Variants in KLHL8 observed in about 807,000 individuals in gnomAD.
KLHL8 encodes the protein kelch-like protein 8.
In KLHL8, 38 loss-of-function variants were observed where a neutral mutation model predicts 63.5. The ratio of observed to expected loss-of-function variants is 0.60; its 90% CI spans 0.46 to 0.78. KLHL8 has a LOEUF of 0.78. Among genes scored for constraint, KLHL8 ranks in the 30% least tolerant of loss-of-function variants. The pLI is 0.00. For synonymous variants in KLHL8, 224 were observed against 254.3 expected (o/e 0.88, Z 1.13); for missense variants, 566 against 752.4 (o/e 0.75, Z 2.90).
At chr4:87,177,139 T>C (rs764361855) in intron 5 of KLHL8, among the ~76,000 whole-genome samples, 8 of 152,200 alleles carry the variant, frequency 5.3e-5, no homozygotes, top group Non-Finnish European at 1.0e-4. Context: ...TTTTTATTAC[T>C]TGGTAGATGA....
At chr4:87,219,684 C>G (rs1220651181) in intron 1 of KLHL8, 1 of 152,308 alleles carries the variant, frequency 6.6e-6, no homozygotes, top group African/African-American at 2.4e-5. Flanking sequence ...GCCAACTGAA[C>G]CCAGCACGGA....
chr4:87,190,293 G>C (rs757189829), intron 2 of KLHL8, among the ~76,000 whole-genome samples: 9 of 151,950 alleles, frequency 5.9e-5, no homozygotes, highest in Admixed American at 1.3e-4. Flanking sequence ...TACTATTATA[G>C]TGGATATACA....
upstream of KLHL8, chr4:87,221,392 T>TAAAAAAAAAAAAAAAA: frequency 1.1e-5 from 1 of 87,060 alleles, no homozygotes; most frequent in Non-Finnish European, 2.1e-5. Context: ...AGACTCCGTC[T>TAAAAAAAAAAAAAAAA]AAAAAAAAAA....
At chr4:87,176,609 A>G (rs895335495) in intron 6 of KLHL8, 148 bp downstream of exon 6, 12 of 567,512 alleles carry the variant, frequency 2.1e-5, no homozygotes, top group Non-Finnish European at 2.7e-5. Flanking sequence ...GGTGTTAACA[A>G]AGTATCACTT....
chr4:87,208,900 T>C (rs921217431), intron 1 of KLHL8, among the ~76,000 whole-genome samples: 3 of 152,196 alleles, frequency 2.0e-5, no homozygotes, highest in African/African-American at 7.2e-5. Flanking sequence ...TTTATAAAAT[T>C]ATTTTTACAT....
At chr4:87,204,878 T>C (rs913499584) in intron 1 of KLHL8, among the ~76,000 whole-genome samples, 2 of 152,262 alleles carry the variant, frequency 1.3e-5, no homozygotes, top group Non-Finnish European at 2.9e-5. Flanking sequence ...CTATTTTGCA[T>C]CTTTTTTAAG....
intron 4 of KLHL8, among the ~76,000 whole-genome samples, chr4:87,179,744 T>A (rs901081995): frequency 6.6e-6 from 1 of 151,992 alleles, no homozygotes; most frequent in Non-Finnish European, 1.5e-5. Context: ...ACCACTGCAC[T>A]CCAGCCTGAG....
chr4:87,197,044 T>C (rs1008870755), intron 1 of KLHL8, among the ~76,000 whole-genome samples: 4 of 152,258 alleles, frequency 2.6e-5, no homozygotes, highest in African/African-American at 7.2e-5. Flanking sequence ...GTTAATCTCA[T>C]CATTTCCAGC....
chr4:87,238,042 TC>T (rs1238273127), intron 1 of KLHL8, among the ~76,000 whole-genome samples: 2 of 152,108 alleles, frequency 1.3e-5, no homozygotes. Context: ...TTCAAGCAAT[TC>T]TTTTGCCTCA....
Position 87,163,938 on chromosome 4 carries a change from C to A in KLHL8, c.1679G>T (p.Gly560Val), listed in dbSNP as rs767446674. The A allele has an allele frequency of 6.2e-7, 1 of 1,614,170 alleles. No individual in the cohort carries two copies. Among genetic ancestry groups the A allele is most frequent in the Non-Finnish European group, 8.5e-7 (1 of 1,180,020 alleles). The change falls in exon 9 of 10, where the codon GGT becomes GTT. Residue 560 changes from glycine (G) to valine (V), a missense_variant. Coordinates refer to ENST00000273963, the MANE Select transcript of KLHL8 (RefSeq NM_020803.5). The stretch of plus-strand genomic sequence containing the variant: ...TAAGTATGCATTGCCATTATGACCA[C>A]CAACTGCAAAGATTTTGCCCATCAC... ...ATVMGKIFAV[G>V]GHNGNAYLNT... is the part of the protein sequence containing the mutation.
rs113786416 is a variant in KLHL8, at chr4:87,199,665, C to CA, written c.-151-3976dup. 5.4e-4 allele frequency among the ~76,000 whole-genome samples: 78 copies of CA among 144,460 alleles called. 1 individual carries two copies. The South Asian group carries it at 6.5e-3, about 12-fold the overall frequency. 94.8% of individuals were successfully genotyped at this position (144,460 alleles called of 152,430 possible). ...TCCTACAACTCAATTAAAAAAAAAACAAAAAAAAAAAATGAAGAACCCAAT... is the reference window on the plus strand; with the variant it reads ...TCCTACAACTCAATTAAAAAAAAAACAAAAAAAAAAAAATGAAGAACCCAAT... On this transcript the variant is annotated intron_variant, in intron 1 of 9. Transcript: ENST00000273963.
intron 1 of KLHL8, among the ~76,000 whole-genome samples, chr4:87,206,027 A>G (rs1732116276): frequency 6.6e-6 from 1 of 152,192 alleles, no homozygotes; most frequent in Admixed American, 6.5e-5. Context: ...CCCTACTTTT[A>G]CAAGTAGCAA....
chr4:87,220,542 C>A lies in KLHL8; in HGVS notation c.-276G>T, dbSNP rs1307641561. ...CGCGCGAGCACCCGGCGGACGCGCG[C>A]TCTCCTGCGCGGCCCCGCGGAGCCC... On this transcript the variant is annotated 5_prime_UTR_variant, in exon 1 of 10. Transcript: ENST00000273963. 1 of 152,072 alleles carries A rather than the reference C, an allele frequency of 6.6e-6. No homozygotes were observed. Among genetic ancestry groups the A allele is most frequent in the Admixed American group, 6.6e-5 (1 of 15,252 alleles). 9.4% of individuals were successfully genotyped at this position (152,072 alleles called of 1,614,324 possible).
Position 87,193,216 on chromosome 4 carries a change from T to C in KLHL8, c.216+2108A>G, listed in dbSNP as rs949642053. The stretch of plus-strand genomic sequence containing the variant: ...TTGCACAGCTCTACAAAAATGTTTT[T>C]ATATGCTTATTCCAAAAACTTTTTT... On this transcript the variant is annotated intron_variant, in intron 2 of 9. Coordinates refer to ENST00000273963, the MANE Select transcript of KLHL8 (RefSeq NM_020803.5). Among the ~76,000 whole-genome samples, 4 of 152,370 alleles carry C rather than the reference T, an allele frequency of 2.6e-5. No homozygotes were observed. The East Asian group carries it at 7.7e-4, about 29-fold the overall frequency.
intron 3 of KLHL8, 33 bp from the exon 4 acceptor site, chr4:87,183,422 T>G: frequency 6.9e-7 from 1 of 1,456,310 alleles, no homozygotes; most frequent in Non-Finnish European, 9.2e-7. Context: ...TACAACAAAT[T>G]TTATATTTTC....
chr4:87,199,623 C>T (rs1731830712), intron 1 of KLHL8, among the ~76,000 whole-genome samples: 2 of 150,672 alleles, frequency 1.3e-5, no homozygotes, highest in Admixed American at 1.3e-4. Context: ...GGGTTAATAT[C>T]CAGATATACA....
At chr4:87,168,712 A>ATATATACGTATATATATGTGTG (rs1730506736) in intron 8 of KLHL8, among the ~76,000 whole-genome samples, 1 of 143,308 alleles carries the variant, frequency 7.0e-6, no homozygotes, top group Non-Finnish European at 1.5e-5. Flanking sequence ...ATATATGTGT[A>ATATATACGTATATATATGTGTG]TATATATACG....
At chr4:87,169,904 C>T (rs1730572296) in intron 8 of KLHL8, among the ~76,000 whole-genome samples, 175 bp downstream of exon 8, 1 of 151,750 alleles carries the variant, frequency 6.6e-6, no homozygotes. Context: ...AAGCATCAGA[C>T]TGAACATGTA....
chr4:87,196,023 C>T (rs1303427931), intron 1 of KLHL8, among the ~76,000 whole-genome samples: 1 of 151,790 alleles, frequency 6.6e-6, no homozygotes, highest in Admixed American at 6.6e-5. Context: ...CCATGTTCCC[C>T]ATGCTGGTCT....
Sources: gnomAD v4.1 joint callset for allele counts (sites outside exome capture counted in the v4.1 genomes callset) on GRCh38, gnomAD v4.1.1 for gene constraint, MANE v1.5 for transcripts, NCBI Gene and HGNC (gene_info 2026-07-23, HGNC 2026-07-21) for gene names.